Variants in CFAP74 observed in about 807,000 individuals in gnomAD.
CFAP74 encodes the protein cilia and flagella associated protein 74.
CFAP74 carries 124 observed loss-of-function variants against 188.9 expected under a neutral mutation model. That is an observed-to-expected ratio of 0.66 (90% confidence interval 0.57 to 0.76). The LOEUF (loss-of-function observed/expected upper bound fraction) is 0.76, where lower values mean the gene tolerates loss of function less well. CFAP74 is among the 30% of genes least tolerant of loss of function. The pLI, the probability that CFAP74 is intolerant of heterozygous loss-of-function variation, is 0.00. For synonymous variants in CFAP74, 956 were observed against 916.7 expected (o/e 1.04, Z -0.77); for missense variants, 2,198 against 2,165.2 (o/e 1.02, Z -0.30).
rs1385754650 is a variant in CFAP74 at position 1,938,947 on chromosome 1, C to T, written c.2919G>A (p.Leu973=). 7.2e-6 allele frequency: 11 copies of T among 1,536,044 alleles called. No homozygotes were observed. In the East Asian group the frequency reaches 2.4e-4, roughly 34 times the overall value. ...VQPNDGFGTI[L]PLETLQFCVI... ...CACAGAACTGCAGCGTTTCCAGGGG[C>T]AGGATCGTCCCAAACCCATCGTTGG... Residue 973 remains leucine (L), a synonymous_variant, in exon 25 of 39, where the codon CTG becomes CTA. Transcript: ENST00000682832.
rs1467996304 is a variant in CFAP74, at chr1:1,924,538, C to A, written c.4105-18G>T. On this transcript the variant is annotated intron_variant, in intron 33 of 38. Transcript: ENST00000682832. ...TTCTGCAGCTGCAGAGAGCAGGCCGCGGTCACTGCCCGCCAGCCCCTGCCT... is the reference window on the plus strand; with the variant it reads ...TTCTGCAGCTGCAGAGAGCAGGCCGAGGTCACTGCCCGCCAGCCCCTGCCT... The A allele has an allele frequency of 1.3e-6, 2 of 1,589,676 alleles. No individual in the cohort carries two copies. The highest frequency in any genetic ancestry group is 2.3e-5 in the South Asian group (2 of 87,966).
intron 29 of CFAP74, 24 bp from the exon 30 acceptor site, chr1:1,926,785 G>A: frequency 2.6e-6 from 4 of 1,548,740 alleles, no homozygotes; most frequent in Non-Finnish European, 3.5e-6. Flanking sequence ...GGCATGCTGA[G>A]GGCAGGGTGG....
At position 1,962,219 on chromosome 1, in the gene CFAP74, T is replaced by TC. The variant is rs1184340597; in HGVS notation, c.1694+1529dup. On this transcript the variant is annotated intron_variant, in intron 14 of 38. Coordinates refer to ENST00000682832, the MANE Select transcript of CFAP74 (RefSeq NM_001304360.2). ...TGGGTGCTGTGGCTCACGCCTGTAA[T>TC]CCTAGCATTTTGGGAGGCCGAGGTG... 2.0e-5 allele frequency among the ~76,000 whole-genome samples: 3 copies of TC among 152,262 alleles called. No individual in the cohort carries two copies. In the East Asian group the frequency reaches 5.8e-4, roughly 29 times the overall value.
intron 1 of CFAP74, among the ~76,000 whole-genome samples, chr1:1,997,708 C>T (rs1341257567): frequency 1.3e-5 from 2 of 152,132 alleles, no homozygotes; most frequent in Non-Finnish European, 1.5e-5. Flanking sequence ...GACACACAGA[C>T]CTCTACAGAG....
At chr1:1,944,604 T>C (rs1211194689) in intron 20 of CFAP74, among the ~76,000 whole-genome samples, 152 bp from the exon 21 acceptor site, 3 of 152,218 alleles carry the variant, frequency 2.0e-5, no homozygotes, top group African/African-American at 7.2e-5. Flanking sequence ...TATCATATCA[T>C]TCAAAATATT....
Position 1,928,779 on chromosome 1 carries a change from C to T in CFAP74, c.3387+5G>A, listed in dbSNP as rs1045841209. On this transcript the variant is annotated splice_donor_5th_base_variant and intron_variant, in intron 27 of 38. Coordinates refer to ENST00000682832, the MANE Select transcript of CFAP74 (RefSeq NM_001304360.2). ...CTACGCCCCTCCTTCCCGGGCCCCA[C>T]GCACAGATTTGGTCTCCATTTCTTT... 31 of 1,534,348 alleles carry T rather than the reference C, an allele frequency of 2.0e-5. No individual in the cohort carries two copies. The highest frequency in any genetic ancestry group is 4.1e-5 in the African/African-American group (3 of 73,024).
chr1:1,931,353 C>T (rs914277365), intron 25 of CFAP74, among the ~76,000 whole-genome samples: 12 of 149,776 alleles, frequency 8.0e-5, no homozygotes, highest in African/African-American at 2.2e-4. Context: ...TGGCGTGAAT[C>T]CTGGAGACGG....
In CFAP74 at chr1:1,923,533, A is replaced by C. The variant is rs772273994; in HGVS notation, c.4390-34T>G. ...AAGAAGTGGAGTGGCCTTGTCCCCG[A>C]AGCTCGGCGGCAGGGGTCCTGCTGG... On this transcript the variant is annotated intron_variant, in intron 35 of 38. Coordinates refer to ENST00000682832, the MANE Select transcript of CFAP74 (RefSeq NM_001304360.2). This position sits in a 1 kb window ranked among gnomAD's most constrained non-coding sequence, Gnocchi z 6.3. 1.1e-5 allele frequency: 18 copies of C among 1,593,974 alleles called. No homozygotes were observed. In the East Asian group the frequency reaches 4.1e-4, roughly 36 times the overall value.
intron 4 of CFAP74, among the ~76,000 whole-genome samples, chr1:1,988,287 A>G (rs1333402018): frequency 6.6e-6 from 1 of 152,248 alleles, no homozygotes; most frequent in Non-Finnish European, 1.5e-5. Flanking sequence ...CGCTGGGGGC[A>G]GCGGGGCCAC....
chr1:1,933,475 C>T (rs569508902), intron 25 of CFAP74, among the ~76,000 whole-genome samples: 14 of 152,262 alleles, frequency 9.2e-5, no homozygotes, highest in African/African-American at 2.6e-4. Context: ...CCACCGCACC[C>T]GGCCCAACTA....
At chr1:1,922,803 G>A (rs755750224) in intron 37 of CFAP74, 80 bp from the exon 38 acceptor site, 3 of 1,527,518 alleles carry the variant, frequency 2.0e-6, no homozygotes, top group Non-Finnish European at 2.6e-6. Context: ...AGGGTGCCCA[G>A]CTCCACTCAC....
At chr1:1,959,935 T>G (rs1654951219) in intron 15 of CFAP74, 29 bp downstream of exon 15, 1 of 1,558,228 alleles carries the variant, frequency 6.4e-7, no homozygotes, top group Admixed American at 2.0e-5. Flanking sequence ...CACCTCCCCT[T>G]CGAGAGAGAA....
Position 1,987,033 on chromosome 1 carries a change from C to T in CFAP74, c.299G>A (p.Gly100Glu). 6.3e-7 allele frequency: 1 copy of T among 1,594,006 alleles called. No homozygotes were observed. The highest frequency in any genetic ancestry group is 8.5e-7 in the Non-Finnish European group (1 of 1,173,488). ...CCTCTGCCGACAGGCGCGCAGCTCCCCTCTGGAACAGGGAAACAAAGGTCA... is the reference window on the plus strand; with the variant it reads ...CCTCTGCCGACAGGCGCGCAGCTCCTCTCTGGAACAGGGAAACAAAGGTCA... The part of the protein sequence containing the change: ...EQELFTEKMR[G>E]ELRACRQRRD... The change falls in exon 5 of 39, where the codon GGG becomes GAG. Residue 100 changes from glycine (G) to glutamate (E), a missense_variant and splice_region_variant. Coordinates refer to ENST00000682832, the MANE Select transcript of CFAP74 (RefSeq NM_001304360.2).
intron 1 of CFAP74, among the ~76,000 whole-genome samples, chr1:2,001,078 T>TAA (rs960348453): frequency 6.6e-6 from 1 of 151,788 alleles, no homozygotes; most frequent in Non-Finnish European, 1.5e-5. Flanking sequence ...GGCTCAGAGC[T>TAA]GTTTGCAGGT....
At chr1:1,962,116 C>T (rs1294984398) in intron 14 of CFAP74, among the ~76,000 whole-genome samples, 1 of 152,208 alleles carries the variant, frequency 6.6e-6, no homozygotes, top group African/African-American at 2.4e-5. Context: ...GACCTACAAA[C>T]CTGTCCACAA....
Position 1,972,231 on chromosome 1 carries a change from C to T in CFAP74, c.786-149G>A, listed in dbSNP as rs1229561475. The T allele has an allele frequency of 2.8e-4, 184 of 650,188 alleles. 1 individual carries two copies. In the East Asian group the frequency reaches 4.9e-3, roughly 17 times the overall value. 40.3% of individuals were successfully genotyped at this position (650,188 alleles called of 1,614,324 possible). A position where few individuals can be genotyped will look rare whatever the true frequency, so the allele number is the denominator to read the frequency against. On this transcript the variant is annotated intron_variant, in intron 8 of 38. Transcript: ENST00000682832. ...AAAGCGCTGGGATCACAGGCATGCACCACCACAAACGGCCACATTTTTAAC... is the reference window on the plus strand; with the variant it reads ...AAAGCGCTGGGATCACAGGCATGCATCACCACAAACGGCCACATTTTTAAC...
chr1:1,989,661 A>G (rs1486295467), intron 2 of CFAP74, among the ~76,000 whole-genome samples: 2 of 152,214 alleles, frequency 1.3e-5, no homozygotes, highest in African/African-American at 4.8e-5. Context: ...GGGTTTCCCT[A>G]TGATGACCAG....
intron 18 of CFAP74, 81 bp downstream of exon 18, chr1:1,955,610 T>A: frequency 8.1e-6 from 13 of 1,611,466 alleles, no homozygotes; most frequent in East Asian, 4.5e-5. Flanking sequence ...AGCCCTCCCC[T>A]GGGCCCCTCA....
At chr1:1,925,092 A>ACTGGTGCGAAGGCATGAGGGCACACG (rs1557982630) in intron 33 of CFAP74, among the ~76,000 whole-genome samples, 1 of 144,418 alleles carries the variant, frequency 6.9e-6, no homozygotes, top group Non-Finnish European at 1.5e-5. Flanking sequence ...GAGGGCACAC[A>ACTGGTGCGAAGGCATGAGGGCACACG]CTGGTGCGAA....
Sources: gnomAD v4.1 joint callset for allele counts (sites outside exome capture counted in the v4.1 genomes callset) on GRCh38, gnomAD v4.1.1 for gene constraint, Gnocchi (gnomAD v3.1) non-coding constraint, MANE v1.5 for transcripts, NCBI Gene and HGNC (gene_info 2026-07-23, HGNC 2026-07-21) for gene names.